Variants in TSPAN9 observed in about 807,000 individuals in gnomAD.
The protein encoded by TSPAN9 is tetraspanin 9.
TSPAN9 carries 16 observed loss-of-function variants against 31.0 expected under a neutral mutation model. The ratio of observed to expected loss-of-function variants is 0.52; its 90% confidence interval spans 0.35 to 0.78. TSPAN9 has a LOEUF of 0.78. Among genes scored for constraint, TSPAN9 ranks in the 30% least tolerant of loss-of-function variants. The probability of loss-of-function intolerance (pLI) is 0.01; values close to 1 mark genes in which losing one functional copy is unlikely to be tolerated. For synonymous variants in TSPAN9, 145 were observed against 121.6 expected (o/e 1.19, Z -1.27); for missense variants, 272 against 312.5 (o/e 0.87, Z 0.98).
At chr12:3,243,604 G>A (rs936445302) in intron 3 of TSPAN9, among the ~76,000 whole-genome samples, 1 of 152,174 alleles carries the variant, frequency 6.6e-6, no homozygotes, top group Admixed American at 6.5e-5. Flanking sequence ...AGCTTCAGTC[G>A]TGGGGACCGA....
At chr12:3,150,504 G>C (rs146892799) in intron 2 of TSPAN9, among the ~76,000 whole-genome samples, 122 of 152,260 alleles carry the variant, frequency 8.0e-4, no homozygotes, top group Middle Eastern at 6.8e-3. Flanking sequence ...TTGGTTTCTT[G>C]TCTACATGCT....
At chr12:3,103,944 G>C (rs2098312994) in intron 2 of TSPAN9, among the ~76,000 whole-genome samples, 1 of 150,226 alleles carries the variant, frequency 6.7e-6, no homozygotes, top group East Asian at 1.9e-4. Flanking sequence ...AAATGCTATG[G>C]AGGACAGTAA....
chr12:3,281,705 A>T, intron 7 of TSPAN9, 29 bp from the exon 8 acceptor site: 2 of 1,604,350 alleles, frequency 1.2e-6, no homozygotes, highest in South Asian at 2.2e-5. Flanking sequence ...TTGGGCTGGG[A>T]CCCTAACCTC....
chr12:3,283,011 G>C (rs1862927112), intron 8 of TSPAN9, 34 bp from the exon 9 acceptor site: 2 of 1,603,482 alleles, frequency 1.2e-6, no homozygotes, highest in African/African-American at 2.7e-5. Context: ...GGCTGCTGCA[G>C]CTCCTGCCTC....
intron 3 of TSPAN9, among the ~76,000 whole-genome samples, chr12:3,241,768 G>A (rs536035539): frequency 2.6e-5 from 4 of 152,318 alleles, no homozygotes; most frequent in African/African-American, 9.6e-5. Flanking sequence ...TGGGGAGGCG[G>A]CTGGGCACAG....
intron 2 of TSPAN9, among the ~76,000 whole-genome samples, chr12:3,144,962 G>A (rs1025680876): frequency 2.0e-5 from 3 of 152,212 alleles, no homozygotes; most frequent in African/African-American, 7.2e-5. Flanking sequence ...TCATCAAATT[G>A]TGTTTCTTAG....
intron 3 of TSPAN9, among the ~76,000 whole-genome samples, chr12:3,258,401 C>G (rs1380078103): frequency 3.9e-5 from 6 of 152,124 alleles, no homozygotes; most frequent in Non-Finnish European, 2.9e-5. Context: ...GGTGTCCTCT[C>G]CTTTGAGATG....
intron 3 of TSPAN9, among the ~76,000 whole-genome samples, chr12:3,225,365 T>G (rs1358168520): frequency 6.6e-6 from 1 of 152,144 alleles, no homozygotes; most frequent in Non-Finnish European, 1.5e-5. Flanking sequence ...CAGGACAGCC[T>G]GTCCTGTGCG....
At chr12:3,140,576 G>T (rs2098334329) in intron 2 of TSPAN9, among the ~76,000 whole-genome samples, 1 of 152,166 alleles carries the variant, frequency 6.6e-6, no homozygotes, top group Admixed American at 6.5e-5. Flanking sequence ...GGGATTTTTA[G>T]ATTTGGTATG....
Position 3,226,775 on chromosome 12 carries a change from TATATATATATATA to T in TSPAN9, c.63+25520_63+25532del, listed in dbSNP as rs1565622599. On this transcript the variant is annotated intron_variant, in intron 3 of 8. Coordinates refer to ENST00000011898, the MANE Select transcript of TSPAN9 (RefSeq NM_006675.5). ...ATATATATATATATATATATATATATATATATATATATATATATATTTTTTTTTTTTTTTCCCT... is the reference window on the plus strand; with the variant it reads ...ATATATATATATATATATATATATATTATATATTTTTTTTTTTTTTTCCCT... Among the ~76,000 whole-genome samples, 6 of 6,160 alleles carry T rather than the reference TATATATATATATA, an allele frequency of 9.7e-4. 1 individual carries two copies. The highest frequency in any genetic ancestry group is 1.6e-3 in the African/African-American group (3 of 1,842). 4.0% of individuals were successfully genotyped at this position (6,160 alleles called of 152,430 possible). A position where few individuals can be genotyped will look rare whatever the true frequency, so the allele number is the denominator to read the frequency against.
At chr12:3,078,011 T>A (rs1263844780) in intron 1 of TSPAN9, among the ~76,000 whole-genome samples, 1 of 152,184 alleles carries the variant, frequency 6.6e-6, no homozygotes, top group East Asian at 1.9e-4. Flanking sequence ...AAAACTTTCT[T>A]GTGGTTTTTA....
At chr12:3,177,877 A>G (rs1055205069) in intron 2 of TSPAN9, among the ~76,000 whole-genome samples, 1 of 152,268 alleles carries the variant, frequency 6.6e-6, no homozygotes, top group Non-Finnish European at 1.5e-5. Flanking sequence ...TTACTCAAGA[A>G]GGACAGGCGG....
At chr12:3,190,656 C>G (rs1424259119) in intron 2 of TSPAN9, among the ~76,000 whole-genome samples, 1 of 152,184 alleles carries the variant, frequency 6.6e-6, no homozygotes, top group East Asian at 1.9e-4. Flanking sequence ...CCCCGTTCTT[C>G]TAGGGCCCAA....
intron 2 of TSPAN9, among the ~76,000 whole-genome samples, chr12:3,182,615 C>G (rs114698558): frequency 6.6e-6 from 1 of 152,156 alleles, no homozygotes; most frequent in African/African-American, 2.4e-5. Context: ...AGCAGGAATA[C>G]AACTGGCACC....
At chr12:3,154,550 A>G (rs1466944121) in intron 2 of TSPAN9, among the ~76,000 whole-genome samples, 2 of 152,210 alleles carry the variant, frequency 1.3e-5, no homozygotes, top group Non-Finnish European at 2.9e-5. Flanking sequence ...ATAACAGCCC[A>G]GGGTTGTGGG....
chr12:3,246,232 G>T (rs1862124482), intron 3 of TSPAN9, among the ~76,000 whole-genome samples: 2 of 151,958 alleles, frequency 1.3e-5, no homozygotes, highest in Admixed American at 1.3e-4. Flanking sequence ...AGTCTTGTGA[G>T]AACTCACGAC....
chr12:3,205,652 C>A (rs2098374677), intron 3 of TSPAN9, among the ~76,000 whole-genome samples: 1 of 151,958 alleles, frequency 6.6e-6, no homozygotes, highest in African/African-American at 2.4e-5. Context: ...GGGTTCAGAC[C>A]TGGCCTCACC....
At chr12:3,202,693 C>T (rs905203121) in intron 3 of TSPAN9, among the ~76,000 whole-genome samples, 7 of 152,150 alleles carry the variant, frequency 4.6e-5, no homozygotes, top group African/African-American at 1.2e-4. Flanking sequence ...AGCCCCCCTC[C>T]CTGCCTGGGG....
At chr12:3,145,792 G>A (rs1335211908) in intron 2 of TSPAN9, among the ~76,000 whole-genome samples, 1 of 152,238 alleles carries the variant, frequency 6.6e-6, no homozygotes, top group Non-Finnish European at 1.5e-5. Flanking sequence ...CAGACCATTT[G>A]GGGTGTCAGG....
Sources: gnomAD v4.1 joint callset for allele counts (sites outside exome capture counted in the v4.1 genomes callset) on GRCh38, gnomAD v4.1.1 for gene constraint, MANE v1.5 for transcripts, NCBI Gene and HGNC (gene_info 2026-07-23, HGNC 2026-07-21) for gene names.